The following SHC2 variants were observed in gnomAD, a reference collection of about 807,000 sequenced individuals.
SHC2 encodes the protein SHC adaptor protein 2.
Under a neutral mutation model 60.6 loss-of-function variants are expected in SHC2, and 62 were observed. The ratio of observed to expected loss-of-function variants is 1.02; its 90% CI spans 0.83 to 1.26. SHC2 has a LOEUF of 1.26. Ranked by LOEUF, SHC2 falls within the 50% of genes most tolerant of loss-of-function variation. The pLI, the probability that SHC2 is intolerant of heterozygous loss-of-function variation, is 0.00. For synonymous variants in SHC2, 375 were observed against 372.4 expected, an observed-to-expected ratio of 1.01 and a Z score of -0.08; for missense variants, 873 against 822.2, an observed-to-expected ratio of 1.06 and a Z score of -0.76.
chr19:445,265 G>C lies in SHC2; in HGVS notation c.469-4333C>G, dbSNP rs1267713143. ...CCTTTGGGAGGTGAGGAGGCTATGA[G>C]GGCTCCACCCTCAGGACTGGGATCA... On this transcript the variant is annotated intron_variant, in intron 1 of 12. Coordinates refer to ENST00000264554, the MANE Select transcript of SHC2 (RefSeq NM_012435.3). The surrounding 1 kb of genome is among the most constrained non-coding windows in gnomAD (Gnocchi z 4.4). Among the ~76,000 whole-genome samples the C allele has an allele frequency of 6.6e-6, 1 of 152,168 alleles. No individual in the cohort carries two copies. Among genetic ancestry groups the C allele is most frequent in the African/African-American group, 2.4e-5 (1 of 41,440 alleles).
At chr19:421,513 CTTGTAAA>C (rs1320226043) in intron 11 of SHC2, among the ~76,000 whole-genome samples, 1 of 151,896 alleles carries the variant, frequency 6.6e-6, no homozygotes, top group East Asian at 1.9e-4. Flanking sequence ...CCCAAAATTC[CTTGTAAA>C]TTGAGACATA....
Position 424,016 on chromosome 19 carries a change from CATT to C in SHC2, c.1309+1078_1309+1080del, listed in dbSNP as rs1361321124. On this transcript the variant is annotated intron_variant, in intron 10 of 12. Coordinates refer to ENST00000264554, the MANE Select transcript of SHC2 (RefSeq NM_012435.3). The surrounding 1 kb of genome is among the most constrained non-coding windows in gnomAD (Gnocchi z 4.5). ...GCGCCCACTAGGTGCTAGATGGTGT[CATT>C]ATTGTGAAGCTGAGGAGAAGCTGCT... is the stretch of plus-strand genomic sequence containing the variant. Among the ~76,000 whole-genome samples, 1 of 152,136 alleles carries C rather than the reference CATT, an allele frequency of 6.6e-6. No individual in the cohort carries two copies. The highest frequency in any genetic ancestry group is 6.5e-5 in the Admixed American group (1 of 15,284).
rs1239542807 is a variant in SHC2 at position 422,659 on chromosome 19, C to G, written c.1310-203G>C. On this transcript the variant is annotated intron_variant, in intron 10 of 12. Transcript: ENST00000264554. The surrounding 1 kb of genome is among the most constrained non-coding windows in gnomAD (Gnocchi z 5.0). The stretch of plus-strand genomic sequence containing the variant: ...GCTCACATGTGTAGCAACCTGGACT[C>G]CCCAGGTTGGGTTTTCTAGGCACGT... The G allele has an allele frequency of 3.8e-6, 2 of 531,716 alleles. No individual in the cohort carries two copies. Among genetic ancestry groups the G allele is most frequent in the African/African-American group, 3.8e-5 (2 of 52,340 alleles). The allele number at this position is 531,716 out of a possible 1,614,324, so 32.9% of individuals were successfully genotyped here.
chr19:438,188 G>A lies in SHC2; in HGVS notation c.720+530C>T, dbSNP rs2145722961. Among the ~76,000 whole-genome samples, 1 of 152,208 alleles carries A rather than the reference G, an allele frequency of 6.6e-6. No homozygotes were observed. Among genetic ancestry groups the A allele is most frequent in the East Asian group, 1.9e-4 (1 of 5,176 alleles). Reference sequence around the variant, plus strand: ...TTGTAGAGTCAGCCATGTTGGCCAGGCTGGTCTCGAACTCCTGACCTCAAG... The same window carrying A: ...TTGTAGAGTCAGCCATGTTGGCCAGACTGGTCTCGAACTCCTGACCTCAAG... On this transcript the variant is annotated intron_variant, in intron 4 of 12. Transcript: ENST00000264554. This position sits in a 1 kb window ranked among gnomAD's most constrained non-coding sequence, Gnocchi z 5.0.
At chr19:419,145 GC>G (rs763062953) in intron 11 of SHC2, 89 bp from the exon 12 acceptor site, 11 of 1,417,096 alleles carry the variant, frequency 7.8e-6, no homozygotes, top group Middle Eastern at 2.4e-4. Context: ...CTGCCGGGGA[GC>G]CCCTAGGGTG....
chr19:449,598 G>T (rs1194615515), intron 1 of SHC2, among the ~76,000 whole-genome samples: 1 of 151,968 alleles, frequency 6.6e-6, no homozygotes, highest in African/African-American at 2.4e-5. Flanking sequence ...CACGGCTGCA[G>T]ACTTTCTCAA....
At chr19:450,826 T>A (rs555165319) in intron 1 of SHC2, among the ~76,000 whole-genome samples, 8 of 127,890 alleles carry the variant, frequency 6.3e-5, no homozygotes, top group South Asian at 2.8e-4. Flanking sequence ...CATATTTCAG[T>A]GTGTGGATGG....
In SHC2 at chr19:440,754, G is replaced by A; in HGVS notation, c.539+108C>T. On this transcript the variant is annotated intron_variant, in intron 2 of 12. Transcript: ENST00000264554. This position sits in a 1 kb window ranked among gnomAD's most constrained non-coding sequence, Gnocchi z 7.0. ...GTGGGGGGCACCGAGGCTGCGTCCT[G>A]GGACCCCAGCGCGGCTGTCGGAGAG... 2.1e-6 allele frequency: 2 copies of A among 950,192 alleles called. No homozygotes were observed. Among genetic ancestry groups the A allele is most frequent in the East Asian group, 4.9e-5 (2 of 41,106 alleles). 58.9% of individuals were successfully genotyped at this position (950,192 alleles called of 1,614,324 possible).
chr19:441,048 G>A lies in SHC2; in HGVS notation c.469-116C>T, dbSNP rs891584465. The A allele has an allele frequency of 1.3e-6, 2 of 1,515,454 alleles. No individual in the cohort carries two copies. The highest frequency in any genetic ancestry group is 1.8e-6 in the Non-Finnish European group (2 of 1,113,266). 93.9% of individuals were successfully genotyped at this position (1,515,454 alleles called of 1,614,324 possible). The stretch of plus-strand genomic sequence containing the variant: ...CCCCTGGGGTCGAGCCCTTTCCTCT[G>A]TCCCTGGTGGCTCTGGGGCCGTCGT... On this transcript the variant is annotated intron_variant, in intron 1 of 12. Coordinates refer to ENST00000264554, the MANE Select transcript of SHC2 (RefSeq NM_012435.3). The surrounding 1 kb of genome is among the most constrained non-coding windows in gnomAD (Gnocchi z 4.9).
In SHC2 at chr19:422,310, G is replaced by A. The variant is rs201406111; in HGVS notation, c.1456C>T (p.Pro486Ser). Reference sequence around the variant, plus strand: ...CGGCTCATCCGGCCGTGGTACCAGGGCTCCTGACGCAGCTGTTCCTCCGTG... The same window carrying A: ...CGGCTCATCCGGCCGTGGTACCAGGACTCCTGACGCAGCTGTTCCTCCGTG... ...APTEEQLRQEPWYHGRMSRRA... is the reference protein window; with the variant it reads ...APTEEQLRQESWYHGRMSRRA... The change falls in exon 11 of 13, where the codon CCC becomes TCC. Residue 486 changes from proline (P) to serine (S), a missense_variant. Pro to Ser is a moderately conservative substitution (Grantham distance 74). Transcript: ENST00000264554. The surrounding 1 kb of genome is among the most constrained non-coding windows in gnomAD (Gnocchi z 5.0). 6 of 1,611,594 alleles carry A rather than the reference G, an allele frequency of 3.7e-6. No individual in the cohort carries two copies. Among genetic ancestry groups the A allele is most frequent in the Non-Finnish European group, 1.7e-6 (2 of 1,179,418 alleles).
chr19:456,201 G>A (rs1177363072), intron 1 of SHC2, among the ~76,000 whole-genome samples: 1 of 152,176 alleles, frequency 6.6e-6, no homozygotes, highest in East Asian at 1.9e-4. Flanking sequence ...CCGGGTGATG[G>A]GGCTTGGCTA....
At chr19:447,659 T>C (rs886555522) in intron 1 of SHC2, among the ~76,000 whole-genome samples, 1 of 151,992 alleles carries the variant, frequency 6.6e-6, no homozygotes, top group Non-Finnish European at 1.5e-5. Context: ...ATGCCTGTAA[T>C]CCCAGCTACT....
chr19:444,684 C>T (rs934521415), intron 1 of SHC2, among the ~76,000 whole-genome samples: 9 of 152,186 alleles, frequency 5.9e-5, no homozygotes, highest in African/African-American at 2.2e-4. Flanking sequence ...GTAACGATAC[C>T]GACACCTCGC....
chr19:454,855 T>C (rs1975297476), intron 1 of SHC2, among the ~76,000 whole-genome samples: 2 of 151,356 alleles, frequency 1.3e-5, no homozygotes, highest in East Asian at 2.0e-4. Context: ...GCCCGTCCCC[T>C]CTGGAGGCAG....
At chr19:430,540 A>C in intron 9 of SHC2, 144 bp downstream of exon 9, 1 of 658,186 alleles carries the variant, frequency 1.5e-6, no homozygotes, top group Non-Finnish European at 2.6e-6. Context: ...TGAAAATCTC[A>C]GCAGAGTGTT....
chr19:459,224 G>A (rs1408425579), intron 1 of SHC2, among the ~76,000 whole-genome samples: 1 of 151,274 alleles, frequency 6.6e-6, no homozygotes, highest in Non-Finnish European at 1.5e-5. Flanking sequence ...GTAGGGGGAA[G>A]GACCCCACTG....
At chr19:457,836 C>A (rs1975389506) in intron 1 of SHC2, among the ~76,000 whole-genome samples, 1 of 152,266 alleles carries the variant, frequency 6.6e-6, no homozygotes, top group Admixed American at 6.5e-5. Flanking sequence ...CGGCCGTCGG[C>A]GTTAAACTTG....
chr19:448,586 G>A (rs1975102098), intron 1 of SHC2, among the ~76,000 whole-genome samples: 1 of 152,092 alleles, frequency 6.6e-6, no homozygotes, highest in African/African-American at 2.4e-5. Context: ...GTGAGTTTTG[G>A]GGAACACCGT....
At chr19:434,526 T>TCGTGAGTC (rs1568287336) in intron 8 of SHC2, among the ~76,000 whole-genome samples, 183 bp downstream of exon 8, 1 of 2,028 alleles carries the variant, frequency 4.9e-4, no homozygotes, top group Non-Finnish European at 1.1e-3. Context: ...GCCTGTGAGA[T>TCGTGAGTC]TGTGAGTGAG....
Sources: allele counts gnomAD v4.1 joint callset (sites outside exome capture counted in the v4.1 genomes callset), GRCh38; gene constraint gnomAD v4.1.1; non-coding constraint Gnocchi (gnomAD v3.1); transcripts MANE v1.5; gene names NCBI Gene and HGNC (gene_info 2026-07-23, HGNC 2026-07-21).